ARHGAP42: variants seen among roughly 807,000 people sequenced by gnomAD.
ARHGAP42 encodes the protein rho GTPase-activating protein 42.
A neutral mutation model predicts 125.0 loss-of-function variants in ARHGAP42; 63 were observed. That is an observed-to-expected ratio of 0.50 (90% CI 0.41 to 0.62). The LOEUF (loss-of-function observed/expected upper bound fraction) is 0.62, where lower values mean the gene tolerates loss of function less well. ARHGAP42 is among the 20% of genes least tolerant of loss of function. The pLI is 0.00. For missense variants in ARHGAP42, 766 were observed against 1,024.2 expected, an observed-to-expected ratio of 0.75 and a Z score of 3.44; for synonymous variants, 339 against 351.0, an observed-to-expected ratio of 0.97 and a Z score of 0.38.
chr11:100,751,279 G>GTTTTTTTTTTTTTTTTTTTT (rs71465331), intron 1 of ARHGAP42, among the ~76,000 whole-genome samples: 3 of 93,474 alleles, frequency 3.2e-5, no homozygotes, highest in African/African-American at 9.9e-5. Flanking sequence ...GTGTGTGTGT[G>GTTTTTTTTTTTTTTTTTTTT]TTTTTTTTTT....
intron 19 of ARHGAP42, among the ~76,000 whole-genome samples, chr11:100,975,365 A>T (rs561707575): frequency 7.6e-4 from 115 of 152,278 alleles, no homozygotes; most frequent in African/African-American, 1.1e-3. Context: ...AGAAAAATTT[A>T]AAAAAATAGT....
intron 1 of ARHGAP42, among the ~76,000 whole-genome samples, chr11:100,740,343 T>G (rs1862158060): frequency 6.6e-6 from 1 of 152,194 alleles, no homozygotes; most frequent in South Asian, 2.1e-4. Context: ...GAGTAAACAC[T>G]TGGGCACTGA....
chr11:100,898,642 G>A (rs947352588), intron 4 of ARHGAP42, among the ~76,000 whole-genome samples: 3 of 152,144 alleles, frequency 2.0e-5, no homozygotes, highest in African/African-American at 7.2e-5. Context: ...GGTGTTTATA[G>A]TATTCTCTGG....
chr11:100,977,033 C>T, intron 21 of ARHGAP42, 62 bp downstream of exon 21: 2 of 1,529,168 alleles, frequency 1.3e-6, no homozygotes, highest in Non-Finnish European at 1.8e-6. Flanking sequence ...TTGAGTGTTT[C>T]AGAAGAACTC....
chr11:100,717,906 A>G (rs1861693346), intron 1 of ARHGAP42, among the ~76,000 whole-genome samples: 1 of 140,012 alleles, frequency 7.1e-6, no homozygotes. Context: ...CCTGGGCAAC[A>G]GAGCGAGACT....
At position 100,713,042 on chromosome 11, in the gene ARHGAP42, ACGTGGTTTTTGTGGACAAATTAATT is replaced by A. The variant is rs542152767; in HGVS notation, c.154+25211_154+25235del. 1.3e-3 allele frequency among the ~76,000 whole-genome samples: 197 copies of A among 152,278 alleles called. 2 individuals carry two copies. The highest frequency in any genetic ancestry group is 4.6e-3 in the African/African-American group (192 of 41,560). On this transcript the variant is annotated intron_variant, in intron 1 of 23. Transcript: ENST00000298815. ...GTTGTCTTACTTGGTTGTGGTAAGC[ACGTGGTTTTTGTGGACAAATTAATT>A]ATACCAGGTGTTCCCATTAAGACAT...
chr11:100,766,695 T>C (rs1431069710), intron 1 of ARHGAP42, among the ~76,000 whole-genome samples: 1 of 152,200 alleles, frequency 6.6e-6, no homozygotes, highest in Admixed American at 6.6e-5. Flanking sequence ...GGTTGATCAT[T>C]ATTACTGCCA....
chr11:100,987,947 G>T (rs938748038), intron 23 of ARHGAP42, among the ~76,000 whole-genome samples: 6 of 152,122 alleles, frequency 3.9e-5, no homozygotes, highest in Admixed American at 2.6e-4. Flanking sequence ...GGCCAACATG[G>T]TGAAACCCTG....
intron 12 of ARHGAP42, among the ~76,000 whole-genome samples, chr11:100,957,983 T>C (rs1262456136): frequency 2.0e-5 from 3 of 152,090 alleles, no homozygotes; most frequent in African/African-American, 7.2e-5. Context: ...GTTGTCTTTT[T>C]CTCTTAATAT....
At chr11:100,866,986 G>A (rs1865584237) in intron 4 of ARHGAP42, among the ~76,000 whole-genome samples, 1 of 152,160 alleles carries the variant, frequency 6.6e-6, no homozygotes. Flanking sequence ...TTGGCAATGA[G>A]TAGTACTATA....
chr11:100,849,983 A>C (rs931780738), intron 3 of ARHGAP42, among the ~76,000 whole-genome samples: 12 of 152,158 alleles, frequency 7.9e-5, no homozygotes, highest in African/African-American at 2.9e-4. Context: ...TATGTATGAG[A>C]AATGCTCCTC....
At chr11:100,873,859 G>A (rs1318936618) in intron 4 of ARHGAP42, among the ~76,000 whole-genome samples, 1 of 152,142 alleles carries the variant, frequency 6.6e-6, no homozygotes, top group Non-Finnish European at 1.5e-5. Flanking sequence ...TAAGGCACAT[G>A]CCCCTCAACC....
chr11:100,777,971 C>T (rs982808011), intron 2 of ARHGAP42, among the ~76,000 whole-genome samples: 4 of 152,116 alleles, frequency 2.6e-5, no homozygotes, highest in African/African-American at 9.7e-5. Flanking sequence ...ATGCTTGAGA[C>T]CAGGAGTCCC....
chr11:100,978,897 G>T (rs899342194), intron 21 of ARHGAP42, 90 bp from the exon 22 acceptor site: 54 of 1,328,970 alleles, frequency 4.1e-5, no homozygotes, highest in Admixed American at 2.3e-4. Flanking sequence ...ACCATTTTTT[G>T]TCTTGTTTAA....
chr11:100,729,752 T>C (rs1861922529), intron 1 of ARHGAP42, among the ~76,000 whole-genome samples: 1 of 152,106 alleles, frequency 6.6e-6, no homozygotes, highest in African/African-American at 2.4e-5. Flanking sequence ...GGATGACTAG[T>C]ATGAATATCA....
chr11:100,831,354 T>C (rs11224478), intron 3 of ARHGAP42, among the ~76,000 whole-genome samples: 15,105 of 152,202 alleles, frequency 0.099, 1,109 homozygotes, highest in African/African-American at 0.21. Flanking sequence ...AACAAAACTG[T>C]TCAAGAGAAT....
At chr11:100,798,825 A>C (rs1863785122) in intron 3 of ARHGAP42, among the ~76,000 whole-genome samples, 1 of 152,168 alleles carries the variant, frequency 6.6e-6, no homozygotes, top group Non-Finnish European at 1.5e-5. Flanking sequence ...GTGACACAGT[A>C]TGGTATTATT....
intron 4 of ARHGAP42, among the ~76,000 whole-genome samples, chr11:100,861,461 T>C (rs1865443388): frequency 6.6e-6 from 1 of 152,158 alleles, no homozygotes; most frequent in Non-Finnish European, 1.5e-5. Context: ...TAGATGCATA[T>C]CATGCATGGA....
intron 22 of ARHGAP42, chr11:100,986,336 G>A: frequency 3.3e-6 from 1 of 306,832 alleles, no homozygotes; most frequent in Non-Finnish European, 6.3e-6. Context: ...TCAGGACATG[G>A]ACATAGCTGG....
Sources: allele counts gnomAD v4.1 joint callset (sites outside exome capture counted in the v4.1 genomes callset), GRCh38; gene constraint gnomAD v4.1.1; transcripts MANE v1.5; gene names NCBI Gene and HGNC (gene_info 2026-07-23, HGNC 2026-07-21).